Variants in HCN1 observed in about 807,000 individuals in gnomAD.
The protein encoded by HCN1 is hyperpolarization activated cyclic nucleotide gated potassium channel 1.
Under a neutral mutation model 78.9 loss-of-function variants are expected in HCN1, and 13 were observed. The observed-to-expected ratio is 0.16, with a 90% CI of 0.11 to 0.26. The LOEUF is 0.26. HCN1 is among the 10% of genes least tolerant of loss of function. HCN1 has a pLI of 1.00. For synonymous variants in HCN1, 552 were observed against 455.5 expected (o/e 1.21, Z -2.70); for missense variants, 810 against 1,154.3 (o/e 0.70, Z 4.32).
chr5:45,376,233 AT>A (rs1220804307), intron 4 of HCN1, among the ~76,000 whole-genome samples: 1 of 106,392 alleles, frequency 9.4e-6, no homozygotes, highest in Non-Finnish European at 1.8e-5. Flanking sequence ...TATAATATAT[AT>A]TCTATATATT....
chr5:45,459,775 AT>A (rs1163694265), intron 3 of HCN1, among the ~76,000 whole-genome samples: 1 of 152,110 alleles, frequency 6.6e-6, no homozygotes, highest in Non-Finnish European at 1.5e-5. Context: ...CAAATTAAAT[AT>A]TGGTTGGTGC....
At position 45,306,971 on chromosome 5, in the gene HCN1, T is replaced by C. The variant is rs1014204819; in HGVS notation, c.1378-3132A>G. Among the ~76,000 whole-genome samples the C allele has an allele frequency of 7.2e-4, 109 of 152,002 alleles. 1 individual carries two copies. The highest frequency in any genetic ancestry group is 2.5e-3 in the African/African-American group (102 of 41,404). On this transcript the variant is annotated intron_variant, in intron 5 of 7. Coordinates refer to ENST00000303230, the MANE Select transcript of HCN1 (RefSeq NM_021072.4). ...ATTTCTTTCCTGGAACATTTTGTAG[T>C]ACAAGAAAGTATGTACATGGTAAAA...
intron 3 of HCN1, among the ~76,000 whole-genome samples, chr5:45,456,416 G>A (rs1264407538): frequency 6.6e-6 from 1 of 151,972 alleles, no homozygotes; most frequent in Non-Finnish European, 1.5e-5. Context: ...AGTTGGTATA[G>A]GAGTTGTCTA....
At chr5:45,425,489 A>T (rs1441397155) in intron 3 of HCN1, among the ~76,000 whole-genome samples, 2 of 152,222 alleles carry the variant, frequency 1.3e-5, no homozygotes, top group African/African-American at 4.8e-5. Context: ...TAAGTTAGTG[A>T]TTTTAGCTGA....
chr5:45,327,477 C>G (rs1325107609), intron 5 of HCN1, among the ~76,000 whole-genome samples: 1 of 151,542 alleles, frequency 6.6e-6, no homozygotes, highest in African/African-American at 2.4e-5. Flanking sequence ...TGTATATGCA[C>G]ATGAGGACCT....
chr5:45,428,275 T>C (rs978611703), intron 3 of HCN1, among the ~76,000 whole-genome samples: 7 of 152,086 alleles, frequency 4.6e-5, no homozygotes, highest in African/African-American at 9.6e-5. Flanking sequence ...TTTTTAGAGA[T>C]GATTTTGGTC....
intron 2 of HCN1, among the ~76,000 whole-genome samples, chr5:45,544,942 T>G (rs1414651725): frequency 6.6e-6 from 1 of 152,190 alleles, no homozygotes; most frequent in Admixed American, 6.5e-5. Context: ...TAGCATGATT[T>G]ATAATCCTTT....
At chr5:45,485,253 A>G (rs548953109) in intron 2 of HCN1, among the ~76,000 whole-genome samples, 7 of 152,322 alleles carry the variant, frequency 4.6e-5, no homozygotes, top group Non-Finnish European at 1.0e-4. Flanking sequence ...CCTTGTAAAT[A>G]TCTTCCACAC....
intron 5 of HCN1, among the ~76,000 whole-genome samples, chr5:45,306,163 C>G (rs1336662691): frequency 1.3e-5 from 2 of 151,854 alleles, no homozygotes; most frequent in African/African-American, 2.4e-5. Context: ...CAGAATAATA[C>G]TGTGTAGGAA....
intron 1 of HCN1, among the ~76,000 whole-genome samples, chr5:45,677,569 G>A (rs1405948582): frequency 2.6e-5 from 4 of 151,840 alleles, no homozygotes; most frequent in Non-Finnish European, 5.9e-5. Flanking sequence ...GAGGTTAAAT[G>A]ACATTTACTG....
chr5:45,349,927 C>A (rs1245785338), intron 5 of HCN1, among the ~76,000 whole-genome samples: 1 of 152,240 alleles, frequency 6.6e-6, no homozygotes, highest in East Asian at 1.9e-4. Flanking sequence ...GGATTCACAG[C>A]CGAATTCCAC....
intron 3 of HCN1, among the ~76,000 whole-genome samples, chr5:45,419,323 A>C (rs891912906): frequency 6.6e-6 from 1 of 152,140 alleles, no homozygotes; most frequent in East Asian, 1.9e-4. Flanking sequence ...GCACCCTATG[A>C]GACAGGCTGA....
chr5:45,549,529 A>G (rs1244890304), intron 2 of HCN1, among the ~76,000 whole-genome samples: 1 of 152,208 alleles, frequency 6.6e-6, no homozygotes, highest in Non-Finnish European at 1.5e-5. Flanking sequence ...TGTTAGACCT[A>G]AAACCATAAA....
At chr5:45,659,037 C>T (rs1465728577) in intron 1 of HCN1, among the ~76,000 whole-genome samples, 2 of 151,776 alleles carry the variant, frequency 1.3e-5, no homozygotes, top group Non-Finnish European at 2.9e-5. Context: ...GTAACCTCTG[C>T]AGACTTAAGT....
intron 2 of HCN1, among the ~76,000 whole-genome samples, chr5:45,587,315 A>T (rs1046455642): frequency 1.1e-4 from 16 of 152,196 alleles, no homozygotes; most frequent in African/African-American, 3.1e-4. Flanking sequence ...CCCATCAATG[A>T]TTGATTGGAT....
intron 4 of HCN1, among the ~76,000 whole-genome samples, chr5:45,392,547 CATAT>C (rs1739597332): frequency 6.6e-6 from 1 of 152,012 alleles, no homozygotes; most frequent in South Asian, 2.1e-4. Context: ...TAATAGTTAT[CATAT>C]ATAGGCCAGG....
intron 4 of HCN1, among the ~76,000 whole-genome samples, chr5:45,379,049 CTT>C (rs1255091898): frequency 3.3e-5 from 5 of 152,084 alleles, no homozygotes; most frequent in African/African-American, 1.2e-4. Context: ...GGTTCCAAGT[CTT>C]TGCTATTGTG....
rs529962440 is a variant in HCN1 at position 45,523,881 on chromosome 5, A to C, written c.850-61874T>G. 2.0e-5 allele frequency among the ~76,000 whole-genome samples: 3 copies of C among 152,094 alleles called. No homozygotes were observed. In the South Asian group the frequency reaches 6.2e-4, roughly 32 times the overall value. On this transcript the variant is annotated intron_variant, in intron 2 of 7. Coordinates refer to ENST00000303230, the MANE Select transcript of HCN1 (RefSeq NM_021072.4). ...TTAGTTTAATTAGATCCCATTTGTC[A>C]ATTTTGGCTTTTGTTGCCATTGCTT...
chr5:45,318,420 G>A (rs995263995), intron 5 of HCN1, among the ~76,000 whole-genome samples: 1 of 152,028 alleles, frequency 6.6e-6, no homozygotes, highest in African/African-American at 2.4e-5. Flanking sequence ...GTCGTGGGGT[G>A]GGGGAGGGAG....
Sources: gnomAD v4.1 joint callset for allele counts (sites outside exome capture counted in the v4.1 genomes callset) on GRCh38, gnomAD v4.1.1 for gene constraint, MANE v1.5 for transcripts, NCBI Gene and HGNC (gene_info 2026-07-23, HGNC 2026-07-21) for gene names.